MPPED1: variants seen among roughly 807,000 people sequenced by gnomAD.
The protein encoded by MPPED1 is metallophosphoesterase domain-containing protein 1.
In MPPED1, 16 loss-of-function variants were observed where a neutral mutation model predicts 36.2. The observed-to-expected ratio is 0.44, with a 90% CI of 0.30 to 0.67. MPPED1 has a LOEUF of 0.67. Among genes scored for constraint, MPPED1 ranks in the 30% least tolerant of loss-of-function variants. The pLI is 0.10. For synonymous variants in MPPED1, 199 were observed against 191.3 expected (o/e 1.04, Z -0.33); for missense variants, 307 against 453.4 (o/e 0.68, Z 2.93).
chr22:43,460,077 T>C (rs1304917201), intron 3 of MPPED1, among the ~76,000 whole-genome samples: 1 of 151,944 alleles, frequency 6.6e-6, no homozygotes, highest in East Asian at 1.9e-4. Flanking sequence ...TGTGGTGGCA[T>C]GTGCCTGTAG....
chr22:43,441,897 T>C (rs1200914588), intron 3 of MPPED1, among the ~76,000 whole-genome samples: 2 of 152,196 alleles, frequency 1.3e-5, no homozygotes, highest in East Asian at 3.9e-4. Flanking sequence ...TCGTTTTGCC[T>C]CTTTGTGATT....
chr22:43,418,172 C>A, intron 1 of MPPED1: 2 of 456,242 alleles, frequency 4.4e-6, no homozygotes, highest in South Asian at 3.1e-5. Context: ...ATCAGAGTGA[C>A]CTTTTCCTTC....
intron 3 of MPPED1, among the ~76,000 whole-genome samples, chr22:43,461,741 T>C (rs1206553580): frequency 6.6e-6 from 1 of 152,184 alleles, no homozygotes; most frequent in African/African-American, 2.4e-5. Flanking sequence ...AGAATATATG[T>C]CTAAGTGGTT....
chr22:43,469,831 C>G (rs982205485), intron 3 of MPPED1, among the ~76,000 whole-genome samples: 1 of 152,076 alleles, frequency 6.6e-6, no homozygotes, highest in African/African-American at 2.4e-5. Context: ...ATCCATCCAC[C>G]CATCTGTCAG....
chr22:43,501,792 T>C (rs1932742757), intron 5 of MPPED1, among the ~76,000 whole-genome samples: 1 of 152,016 alleles, frequency 6.6e-6, no homozygotes, highest in Non-Finnish European at 1.5e-5. Flanking sequence ...AACCCATTCC[T>C]GGTCTCTTTT....
chr22:43,422,857 CT>C (rs973443590), intron 1 of MPPED1, among the ~76,000 whole-genome samples: 1 of 151,936 alleles, frequency 6.6e-6, no homozygotes, highest in Non-Finnish European at 1.5e-5. Context: ...TCTTTTCTTT[CT>C]TTTTTTTGAG....
intron 5 of MPPED1, among the ~76,000 whole-genome samples, chr22:43,499,502 GTAATGGAGGTGA>G (rs1932553199): frequency 7.1e-6 from 1 of 141,660 alleles, no homozygotes; most frequent in African/African-American, 2.6e-5. Flanking sequence ...GGTGATGGTG[GTAATGGAGGTGA>G]TGGTGGTGGT....
chr22:43,431,807 G>A (rs1929697463), intron 2 of MPPED1, among the ~76,000 whole-genome samples: 1 of 152,244 alleles, frequency 6.6e-6, no homozygotes, highest in Non-Finnish European at 1.5e-5. Context: ...TCAAAGTTGA[G>A]CATTTGTTGC....
chr22:43,482,696 C>T (rs753508573), intron 4 of MPPED1, among the ~76,000 whole-genome samples: 3 of 152,212 alleles, frequency 2.0e-5, no homozygotes, highest in South Asian at 2.1e-4. Context: ...TGCTGCTCGA[C>T]GTTTATGACC....
intron 3 of MPPED1, among the ~76,000 whole-genome samples, chr22:43,462,345 T>A (rs1208460894): frequency 6.6e-6 from 1 of 152,222 alleles, no homozygotes; most frequent in Non-Finnish European, 1.5e-5. Context: ...GATAGCAGCC[T>A]CCTCCCGAGG....
At chr22:43,440,730 C>G (rs76745525) in intron 3 of MPPED1, among the ~76,000 whole-genome samples, 1,907 of 152,272 alleles carry the variant, frequency 0.013, 45 homozygotes, top group African/African-American at 0.044. Context: ...CCTCACTTCA[C>G]CCCTAGCCCC....
At chr22:43,498,130 C>T (rs557131135) in intron 4 of MPPED1, 105 bp from the exon 5 acceptor site, 16 of 802,120 alleles carry the variant, frequency 2.0e-5, no homozygotes, top group East Asian at 1.4e-4. Flanking sequence ...CTCCAGGTAG[C>T]GAGCTGGTCC....
At position 43,462,753 on chromosome 22, in the gene MPPED1, G is replaced by A. The variant is rs140245203; in HGVS notation, c.407-11983G>A. Among the ~76,000 whole-genome samples the A allele has an allele frequency of 3.7e-4, 56 of 152,210 alleles. No homozygotes were observed. The Middle Eastern group carries it at 0.01, about 28-fold the overall frequency. ...AGGCTTACCTCCTGGAGCCTCCAAG[G>A]CCTGCTCCCATTGGGACTGATTGAT... On this transcript the variant is annotated intron_variant, in intron 3 of 6. Transcript: ENST00000443721.
chr22:43,468,333 G>A (rs925328323), intron 3 of MPPED1, among the ~76,000 whole-genome samples: 2 of 152,228 alleles, frequency 1.3e-5, no homozygotes, highest in African/African-American at 2.4e-5. Context: ...CCTAGGGCTT[G>A]TGGCAGAGGC....
In MPPED1 at chr22:43,425,227, G is replaced by A. The variant is rs766852712; in HGVS notation, c.224+18G>A. 1.9e-6 allele frequency: 3 copies of A among 1,575,950 alleles called. No individual in the cohort carries two copies. In the African/African-American group the frequency reaches 4.0e-5, roughly 21 times the overall value. On this transcript the variant is annotated intron_variant, in intron 2 of 6. Coordinates refer to ENST00000443721, the MANE Select transcript of MPPED1 (RefSeq NM_001044370.2). ...GTGCAGATGTAAGTGGGACCGGTGG[G>A]GTGGGGGTGGGGGCGGTGACGGCCC...
rs12159759 is a variant in MPPED1, at chr22:43,422,770, G to A, written c.-78-2138G>A. 7.0e-3 allele frequency among the ~76,000 whole-genome samples: 1,073 copies of A among 152,286 alleles called. 14 individuals are homozygous for A. The highest frequency in any genetic ancestry group is 0.025 in the African/African-American group (1,035 of 41,556). On this transcript the variant is annotated intron_variant, in intron 1 of 6. Coordinates refer to ENST00000443721, the MANE Select transcript of MPPED1 (RefSeq NM_001044370.2). ...TGAGCCGGCGCCTGGGACCCACCAG[G>A]CATTGTACTCAGGATTCCTGCTTAC...
intron 2 of MPPED1, among the ~76,000 whole-genome samples, chr22:43,433,482 A>G (rs1405432255): frequency 6.6e-6 from 1 of 151,132 alleles, no homozygotes; most frequent in Non-Finnish European, 1.5e-5. Context: ...GAGAAGAGGA[A>G]AAGCTCCTAG....
At chr22:43,481,593 C>T (rs1409074272) in intron 4 of MPPED1, among the ~76,000 whole-genome samples, 1 of 152,148 alleles carries the variant, frequency 6.6e-6, no homozygotes, top group Non-Finnish European at 1.5e-5. Flanking sequence ...AGTTAAAATC[C>T]AGGCCAGGTT....
chr22:43,497,001 T>A (rs1932424446), intron 4 of MPPED1, among the ~76,000 whole-genome samples: 1 of 141,486 alleles, frequency 7.1e-6, no homozygotes, highest in Non-Finnish European at 1.5e-5. Flanking sequence ...GTGGAGGTGG[T>A]GGTGGTGGAG....
Sources: allele counts gnomAD v4.1 joint callset (sites outside exome capture counted in the v4.1 genomes callset), GRCh38; gene constraint gnomAD v4.1.1; transcripts MANE v1.5; gene names NCBI Gene and HGNC (gene_info 2026-07-23, HGNC 2026-07-21).